Variants in DCAF1 observed in about 807,000 individuals in gnomAD.
The protein encoded by DCAF1 is DDB1 and CUL4 associated factor 1.
Under a neutral mutation model 128.0 loss-of-function variants are expected in DCAF1, and 15 were observed. The ratio of observed to expected loss-of-function variants is 0.12; its 90% confidence interval spans 0.08 to 0.18. The LOEUF (loss-of-function observed/expected upper bound fraction) is 0.18. DCAF1 is among the 10% of genes least tolerant of loss of function. The pLI is 1.00. For missense variants in DCAF1, 988 were observed against 1,649.5 expected, an observed-to-expected ratio of 0.60 and a Z score of 6.95; for synonymous variants, 610 against 603.0, an observed-to-expected ratio of 1.01 and a Z score of -0.17.
intron 2 of DCAF1, among the ~76,000 whole-genome samples, chr3:51,491,004 A>C (rs1707567539): frequency 6.6e-6 from 1 of 150,590 alleles, no homozygotes; most frequent in African/African-American, 2.4e-5. Context: ...ATTCGTATGT[A>C]ATTGCAAGGA....
chr3:51,486,108 T>G (rs1321885614), intron 2 of DCAF1, among the ~76,000 whole-genome samples: 1 of 151,812 alleles, frequency 6.6e-6, no homozygotes, highest in Admixed American at 6.6e-5. Context: ...GCCAGGATGG[T>G]CTCAATCTCC....
chr3:51,436,263 T>A (rs531843657), intron 9 of DCAF1: 38 of 431,244 alleles, frequency 8.8e-5, no homozygotes, highest in Non-Finnish European at 1.6e-4. Context: ...AAGAAAAGGA[T>A]GGCAAAATTG....
chr3:51,466,924 C>A (rs1553646716), intron 4 of DCAF1, 48 bp from the exon 5 acceptor site: 1 of 1,581,792 alleles, frequency 6.3e-7, no homozygotes, highest in East Asian at 2.2e-5. Flanking sequence ...AGTAAGTCAT[C>A]CCAGTCAAGC....
chr3:51,438,495 GAA>G (rs781864323), intron 9 of DCAF1, among the ~76,000 whole-genome samples: 114 of 152,308 alleles, frequency 7.5e-4, no homozygotes, highest in African/African-American at 2.6e-3. Flanking sequence ...AAGTGAAGTT[GAA>G]TTGTAAAGTC....
rs782595335 is a variant in DCAF1 at position 51,483,780 on chromosome 3, G to A, written c.49C>T (p.Leu17=). ...HVDSKAELTT[L]LEQWEKEHGS... ...TGTTCCTTTTCCCACTGCTCCAGCAGGGTAGTGAGCTCAGCTTTGGAGTCC... is the reference window on the plus strand; with the variant it reads ...TGTTCCTTTTCCCACTGCTCCAGCAAGGTAGTGAGCTCAGCTTTGGAGTCC... The change falls in exon 3 of 25, where the codon CTG becomes TTG. Residue 17 remains leucine, a synonymous_variant. Coordinates refer to ENST00000684031, the MANE Select transcript of DCAF1 (RefSeq NM_001387579.1). The A allele has an allele frequency of 5.9e-5, 95 of 1,613,740 alleles. 1 individual carries two copies. Among genetic ancestry groups the A allele is most frequent in the South Asian group, 5.3e-4 (48 of 91,088 alleles).
intron 17 of DCAF1, among the ~76,000 whole-genome samples, chr3:51,417,787 A>G (rs1553630887): frequency 1.4e-5 from 2 of 141,410 alleles, no homozygotes; most frequent in African/African-American, 5.1e-5. Context: ...AGGAGAGAGA[A>G]AAGGAGGGGA....
rs1553631685 is a variant in DCAF1, at chr3:51,419,739, A to G, written c.3231T>C (p.Phe1077=). The change falls in exon 15 of 25, where the codon TTT becomes TTC. Residue 1077 remains phenylalanine (F), a synonymous_variant. Transcript: ENST00000684031. ...AAGAAGGGGCCTCTTCTTACCTGCT[A>G]AAGATAAGGTGCCTATCAAAGCATC... ...DGGCFDRHLI[F]SRFRPISVFR... 1 of 1,606,824 alleles carries G rather than the reference A, an allele frequency of 6.2e-7. No individual in the cohort carries two copies. The highest frequency in any genetic ancestry group is 8.5e-7 in the Non-Finnish European group (1 of 1,175,606).
chr3:51,490,752 C>G (rs1707538907), intron 2 of DCAF1, among the ~76,000 whole-genome samples: 1 of 151,698 alleles, frequency 6.6e-6, no homozygotes, highest in Non-Finnish European at 1.5e-5. Context: ...TGGTGAAACC[C>G]CATCTCTACT....
At chr3:51,417,721 CA>C (rs1341397884) in intron 17 of DCAF1, among the ~76,000 whole-genome samples, 1 of 70,518 alleles carries the variant, frequency 1.4e-5, no homozygotes, top group Non-Finnish European at 2.8e-5. Flanking sequence ...CTCTGTCTCA[CA>C]AAAAATAAAA....
At chr3:51,412,249 T>A in intron 23 of DCAF1, 130 bp downstream of exon 23, 1 of 1,304,920 alleles carries the variant, frequency 7.7e-7, no homozygotes, top group South Asian at 1.4e-5. Flanking sequence ...CAAGGGTACA[T>A]GACAAGCCTT....
chr3:51,485,436 G>A (rs1339312190), intron 2 of DCAF1, among the ~76,000 whole-genome samples: 1 of 152,198 alleles, frequency 6.6e-6, no homozygotes, highest in Non-Finnish European at 1.5e-5. Flanking sequence ...GGTGAGCTTT[G>A]GAGGACCAAA....
At chr3:51,430,701 T>C (rs1296955931) in intron 10 of DCAF1, among the ~76,000 whole-genome samples, 2 of 152,232 alleles carry the variant, frequency 1.3e-5, no homozygotes, top group Non-Finnish European at 1.5e-5. Flanking sequence ...TTTTTCTCTA[T>C]CTTAGCCATA....
At chr3:51,498,430 G>A (rs1315304774) in intron 1 of DCAF1, among the ~76,000 whole-genome samples, 1 of 150,962 alleles carries the variant, frequency 6.6e-6, no homozygotes, top group Non-Finnish European at 1.5e-5. Context: ...TAGGCTACAG[G>A]GCAAGATCCT....
At chr3:51,482,490 C>T (rs772840032) in intron 3 of DCAF1, among the ~76,000 whole-genome samples, 4 of 149,816 alleles carry the variant, frequency 2.7e-5, no homozygotes, top group African/African-American at 4.9e-5. Flanking sequence ...CCAGGACGGG[C>T]GCAGTGGCTC....
intron 23 of DCAF1, among the ~76,000 whole-genome samples, chr3:51,407,984 CAA>C (rs59224025): frequency 1.7e-4 from 9 of 52,548 alleles, no homozygotes; most frequent in African/African-American, 6.2e-4. Context: ...GACTCCATCT[CAA>C]AAAAAAAAAA....
At position 51,423,441 on chromosome 3, in the gene DCAF1, G is replaced by C. The variant is rs145557616; in HGVS notation, c.1848-1010C>G. Among the ~76,000 whole-genome samples, 588 of 151,444 alleles carry C rather than the reference G, an allele frequency of 3.9e-3. 7 individuals carry two copies. The highest frequency in any genetic ancestry group is 0.013 in the African/African-American group (554 of 41,268). ...TGCTTGAACCCAGGAGGCGGAAGTT[G>C]CAGTGAGCTGAGATTGAGCCACCGC... On this transcript the variant is annotated intron_variant, in intron 13 of 24. Coordinates refer to ENST00000684031, the MANE Select transcript of DCAF1 (RefSeq NM_001387579.1).
rs1167886478 is a variant in DCAF1 at position 51,491,055 on chromosome 3, A to AC, written c.-9+5678_-9+5679insG. ...AACAATCTTGGAAAAAAAAAAAAAA[A>AC]AAACAAAGTCGGGGTCAGGCGCAGT... On this transcript the variant is annotated intron_variant, in intron 2 of 24. Transcript: ENST00000684031. 1.2e-3 allele frequency among the ~76,000 whole-genome samples: 180 copies of AC among 151,412 alleles called. 1 individual carries two copies. The highest frequency in any genetic ancestry group is 3.6e-3 in the African/African-American group (149 of 41,238).
At chr3:51,491,569 C>CCAGGTG (rs1205570821) in intron 2 of DCAF1, among the ~76,000 whole-genome samples, 2 of 151,754 alleles carry the variant, frequency 1.3e-5, no homozygotes, top group Non-Finnish European at 2.9e-5. Flanking sequence ...GTAGTGCTGC[C>CCAGGTG]CAGGTGCAGT....
chr3:51,430,618 T>C (rs2107547176), intron 10 of DCAF1, among the ~76,000 whole-genome samples: 1 of 152,306 alleles, frequency 6.6e-6, no homozygotes, highest in Middle Eastern at 3.4e-3. Context: ...CTCTGGTTAA[T>C]TCACACACAT....
Sources: gnomAD v4.1 joint callset for allele counts (sites outside exome capture counted in the v4.1 genomes callset) on GRCh38, gnomAD v4.1.1 for gene constraint, MANE v1.5 for transcripts, NCBI Gene and HGNC (gene_info 2026-07-23, HGNC 2026-07-21) for gene names.